The following DRG1 variants were observed in gnomAD, a reference collection of about 807,000 sequenced individuals.
The protein encoded by DRG1 is developmentally-regulated GTP-binding protein 1.
Under a neutral mutation model 38.8 loss-of-function variants are expected in DRG1, and 19 were observed. The observed-to-expected ratio is 0.49, with a 90% confidence interval of 0.34 to 0.72. The LOEUF is 0.72. DRG1 is among the 30% of genes least tolerant of loss of function. DRG1 has a pLI of 0.01. For synonymous variants in DRG1, 167 were observed against 157.5 expected, an observed-to-expected ratio of 1.06 and a Z score of -0.45; for missense variants, 299 against 444.8, an observed-to-expected ratio of 0.67 and a Z score of 2.95.
chr22:31,433,787 T>C, intron 8 of DRG1, 85 bp from the exon 9 acceptor site: 1 of 1,201,442 alleles, frequency 8.3e-7, no homozygotes, highest in Non-Finnish European at 1.2e-6. Context: ...TGATACTAAA[T>C]CTGAGCAGAA....
chr22:31,403,684 A>G (rs111610333), intron 3 of DRG1, among the ~76,000 whole-genome samples: 1 of 151,510 alleles, frequency 6.6e-6, no homozygotes, highest in African/African-American at 2.4e-5. Flanking sequence ...GGGTTTCACC[A>G]TGCTGGTCAG....
chr22:31,409,116 A>T (rs1267973470), intron 3 of DRG1, among the ~76,000 whole-genome samples: 3 of 151,870 alleles, frequency 2.0e-5, no homozygotes, highest in African/African-American at 4.8e-5. Context: ...ATTTTTTGAG[A>T]TGGAGTCTTA....
intron 8 of DRG1, among the ~76,000 whole-genome samples, chr22:31,429,909 C>G (rs982773871): frequency 6.6e-6 from 1 of 152,140 alleles, no homozygotes; most frequent in African/African-American, 2.4e-5. Flanking sequence ...CTTCACCTCC[C>G]AAAGTGCTGG....
chr22:31,402,013 T>C (rs1019367131), intron 2 of DRG1, among the ~76,000 whole-genome samples: 6 of 152,000 alleles, frequency 3.9e-5, no homozygotes, highest in Admixed American at 1.3e-4. Flanking sequence ...ATCATGCCAC[T>C]GTACCCCAGC....
At chr22:31,405,398 C>G (rs1275803391) in intron 3 of DRG1, among the ~76,000 whole-genome samples, 1 of 151,954 alleles carries the variant, frequency 6.6e-6, no homozygotes, top group Non-Finnish European at 1.5e-5. Context: ...GAACTCCTGA[C>G]CTTGTGATCC....
intron 8 of DRG1, among the ~76,000 whole-genome samples, chr22:31,432,507 C>T (rs1369285235): frequency 1.3e-5 from 2 of 151,426 alleles, no homozygotes. Flanking sequence ...CTCACTGCAA[C>T]CTCCGCCTCC....
intron 8 of DRG1, among the ~76,000 whole-genome samples, chr22:31,430,394 ATTT>A (rs879632104): frequency 7.0e-6 from 1 of 143,384 alleles, no homozygotes; most frequent in African/African-American, 2.6e-5. Context: ...TACAGGGTTA[ATTT>A]TTTTTTTTTT....
intron 8 of DRG1, among the ~76,000 whole-genome samples, chr22:31,429,057 T>C (rs2050125774): frequency 6.6e-6 from 1 of 152,168 alleles, no homozygotes; most frequent in Admixed American, 6.5e-5. Flanking sequence ...CGGGGTACTT[T>C]TGAGACTGTG....
intron 8 of DRG1, among the ~76,000 whole-genome samples, chr22:31,427,972 G>GC (rs1170591937): frequency 6.6e-6 from 1 of 151,882 alleles, no homozygotes; most frequent in Non-Finnish European, 1.5e-5. Flanking sequence ...CTTGACCTCA[G>GC]CCCCCCAAAG....
chr22:31,425,678 C>T (rs934286985), intron 6 of DRG1, among the ~76,000 whole-genome samples: 4 of 152,150 alleles, frequency 2.6e-5, no homozygotes, highest in Non-Finnish European at 5.9e-5. Flanking sequence ...TGGGCTCAAG[C>T]AATCTGCCTG....
intron 7 of DRG1, 72 bp from the exon 8 acceptor site, chr22:31,426,988 G>C: frequency 1.3e-6 from 2 of 1,593,326 alleles, no homozygotes; most frequent in Non-Finnish European, 1.7e-6. Context: ...CAGGGGTGAT[G>C]GAGGGTTGCT....
At chr22:31,431,035 C>CTTT (rs1365360511) in intron 8 of DRG1, among the ~76,000 whole-genome samples, 11 of 56,766 alleles carry the variant, frequency 1.9e-4, no homozygotes, top group South Asian at 1.7e-3. Flanking sequence ...CCCCCCCCCG[C>CTTT]TTTTTTTTTT....
chr22:31,423,168 A>T, intron 5 of DRG1, 112 bp from the exon 6 acceptor site: 1 of 1,307,570 alleles, frequency 7.6e-7, no homozygotes, highest in Non-Finnish European at 1.1e-6. Flanking sequence ...GGATGTATTT[A>T]GTAATGAGTT....
chr22:31,416,850 C>T lies in DRG1; in HGVS notation c.413-3406C>T, dbSNP rs567757060. Among the ~76,000 whole-genome samples, 37 of 149,396 alleles carry T rather than the reference C, an allele frequency of 2.5e-4. No homozygotes were observed. The East Asian group carries it at 6.5e-3, about 26-fold the overall frequency. ...TCCAGGCGGCAGAGGTTGTAGTGAGCGGAAATTGCACCATTGCACTCCACC... is the reference window on the plus strand; with the variant it reads ...TCCAGGCGGCAGAGGTTGTAGTGAGTGGAAATTGCACCATTGCACTCCACC... On this transcript the variant is annotated intron_variant, in intron 4 of 8. Coordinates refer to ENST00000331457, the MANE Select transcript of DRG1 (RefSeq NM_004147.4).
intron 3 of DRG1, 64 bp from the exon 4 acceptor site, chr22:31,410,948 T>G (rs1569046835): frequency 1.3e-6 from 2 of 1,523,580 alleles, no homozygotes; most frequent in Admixed American, 1.7e-5. Context: ...TAATTCTGTT[T>G]GATATTTTCA....
At chr22:31,420,494 G>A in intron 5 of DRG1, 69 bp downstream of exon 5, 1 of 1,570,004 alleles carries the variant, frequency 6.4e-7, no homozygotes, top group Non-Finnish European at 8.7e-7. Context: ...TGGGGTGCAT[G>A]GACCCTGACA....
At chr22:31,428,729 C>CAGTAATATT (rs2145871524) in intron 8 of DRG1, among the ~76,000 whole-genome samples, 1 of 152,210 alleles carries the variant, frequency 6.6e-6, no homozygotes, top group East Asian at 1.9e-4. Flanking sequence ...TCTAGTCTAC[C>CAGTAATATT]AGTAATATTT....
At chr22:31,399,860 C>T (rs1261406570) in intron 1 of DRG1, 135 bp downstream of exon 1, 2 of 1,311,724 alleles carry the variant, frequency 1.5e-6, no homozygotes, top group Non-Finnish European at 2.2e-6. Context: ...GGCCCGTGTT[C>T]CGACTGCCCT....
At chr22:31,433,772 G>A (rs2050155903) in intron 8 of DRG1, 100 bp from the exon 9 acceptor site, 1 of 984,944 alleles carries the variant, frequency 1.0e-6, no homozygotes, top group East Asian at 2.4e-5. Context: ...TGGTTCTTAA[G>A]GGTATGATAC....
Sources: allele counts gnomAD v4.1 joint callset (sites outside exome capture counted in the v4.1 genomes callset), GRCh38; gene constraint gnomAD v4.1.1; transcripts MANE v1.5; gene names NCBI Gene and HGNC (gene_info 2026-07-23, HGNC 2026-07-21).